The following DLGAP1 variants were observed in gnomAD, a reference collection of about 807,000 sequenced individuals.
DLGAP1 encodes the protein DLG associated protein 1.
DLGAP1 carries 11 observed loss-of-function variants against 90.8 expected under a neutral mutation model. That is an observed-to-expected ratio of 0.12 (90% CI 0.08 to 0.20). The LOEUF (loss-of-function observed/expected upper bound fraction) is 0.20. Among genes scored for constraint, DLGAP1 ranks in the 10% least tolerant of loss-of-function variants. DLGAP1 has a pLI of 1.00. For synonymous variants in DLGAP1, 558 were observed against 540.7 expected (o/e 1.03, Z -0.44); for missense variants, 1,050 against 1,333.8 (o/e 0.79, Z 3.31).
intron 2 of DLGAP1, among the ~76,000 whole-genome samples, chr18:4,090,412 C>T (rs1009317157): frequency 3.9e-5 from 6 of 152,048 alleles, no homozygotes; most frequent in African/African-American, 1.4e-4. Context: ...AAAAAAACCA[C>T]CCCATCAAAA....
At chr18:3,626,911 A>C (rs2058318676) in intron 7 of DLGAP1, among the ~76,000 whole-genome samples, 1 of 152,152 alleles carries the variant, frequency 6.6e-6, no homozygotes, top group Admixed American at 6.5e-5. Context: ...AAAAAAAAGA[A>C]AAGAAAATAT....
chr18:3,597,558 G>C (rs1326819644), intron 7 of DLGAP1: 2 of 282,968 alleles, frequency 7.1e-6, no homozygotes, highest in African/African-American at 4.7e-5. Context: ...AGACTTCAGC[G>C]TGGATTCATC....
At chr18:4,435,838 G>A (rs2083387537) in intron 1 of DLGAP1, among the ~76,000 whole-genome samples, 1 of 152,152 alleles carries the variant, frequency 6.6e-6, no homozygotes, top group South Asian at 2.1e-4. Context: ...TTAGCATCAT[G>A]TCACACATAT....
chr18:4,156,704 G>A (rs1340921952), intron 1 of DLGAP1, among the ~76,000 whole-genome samples: 1 of 152,112 alleles, frequency 6.6e-6, no homozygotes, highest in Non-Finnish European at 1.5e-5. Context: ...GAACAGATAT[G>A]AATCTATAGA....
chr18:3,676,969 A>G (rs58095005), intron 7 of DLGAP1, among the ~76,000 whole-genome samples: 4,852 of 151,842 alleles, frequency 0.032, 278 homozygotes, highest in African/African-American at 0.11. Flanking sequence ...TGTTGCCACC[A>G]CCCTTTAAAC....
rs2076250900 is a variant in DLGAP1, at chr18:4,127,635, ACT to A, written c.-159+23543_-159+23544del. On this transcript the variant is annotated intron_variant, in intron 2 of 12. Coordinates refer to ENST00000315677, the MANE Select transcript of DLGAP1 (RefSeq NM_004746.4). ...TAAAATATATTATCTGAAAAACATA[ACT>A]CAGCATAATTGTAAGAATCATACAT... Among the ~76,000 whole-genome samples the A allele has an allele frequency of 1.3e-5, 2 of 152,208 alleles. 1 individual carries two copies. The highest frequency in any genetic ancestry group is 4.1e-4 in the South Asian group (2 of 4,832).
intron 1 of DLGAP1, among the ~76,000 whole-genome samples, chr18:4,418,692 C>T (rs564512446): frequency 2.8e-4 from 42 of 152,076 alleles, no homozygotes; most frequent in African/African-American, 8.9e-4. Context: ...GGAAAAAATG[C>T]AGCAGAGTAT....
At chr18:4,358,418 G>A (rs939977973) in intron 1 of DLGAP1, among the ~76,000 whole-genome samples, 2 of 152,322 alleles carry the variant, frequency 1.3e-5, no homozygotes, top group Non-Finnish European at 2.9e-5. Flanking sequence ...AAGGCCTTTA[G>A]GGACTAATGT....
chr18:3,952,816 G>A (rs1410579507), intron 3 of DLGAP1, among the ~76,000 whole-genome samples: 2 of 152,178 alleles, frequency 1.3e-5, no homozygotes, highest in Non-Finnish European at 2.9e-5. Flanking sequence ...AACAATTATA[G>A]GCAGGAGAGA....
At chr18:4,404,064 C>T (rs2082612864) in intron 1 of DLGAP1, among the ~76,000 whole-genome samples, 1 of 152,084 alleles carries the variant, frequency 6.6e-6, no homozygotes, top group Non-Finnish European at 1.5e-5. Context: ...TGCAGAGATA[C>T]CACATGCCAG....
intron 3 of DLGAP1, among the ~76,000 whole-genome samples, chr18:3,973,701 A>G (rs534774527): frequency 6.6e-6 from 1 of 152,320 alleles, no homozygotes; most frequent in South Asian, 2.1e-4. Context: ...ATTCTTTCTG[A>G]AACCTGACAA....
chr18:3,805,936 A>G (rs1203929694), intron 5 of DLGAP1, among the ~76,000 whole-genome samples: 1 of 152,178 alleles, frequency 6.6e-6, no homozygotes, highest in East Asian at 1.9e-4. Context: ...TTTTGATCTC[A>G]TTTCCTCCTG....
intron 1 of DLGAP1, among the ~76,000 whole-genome samples, chr18:4,161,450 T>C (rs754877562): frequency 4.6e-5 from 7 of 152,170 alleles, no homozygotes; most frequent in Non-Finnish European, 1.0e-4. Context: ...TGCATAGTAT[T>C]CCATGGTATA....
At chr18:4,308,795 G>A (rs754929197) in intron 1 of DLGAP1, among the ~76,000 whole-genome samples, 5 of 152,174 alleles carry the variant, frequency 3.3e-5, no homozygotes, top group African/African-American at 7.2e-5. Flanking sequence ...AGCCTCAGGC[G>A]AAGAAGCTGC....
intron 2 of DLGAP1, among the ~76,000 whole-genome samples, chr18:4,107,126 A>T (rs898294807): frequency 6.6e-6 from 1 of 152,266 alleles, no homozygotes; most frequent in African/African-American, 2.4e-5. Context: ...TAGCTAAAAC[A>T]CAGCGCCGCT....
Position 4,378,651 on chromosome 18 carries a change from C to T in DLGAP1, c.-267+76355G>A, listed in dbSNP as rs2082061549. 1.3e-5 allele frequency among the ~76,000 whole-genome samples: 2 copies of T among 152,136 alleles called. No homozygotes were observed. Among genetic ancestry groups the T allele is most frequent in the Non-Finnish European group, 2.9e-5 (2 of 67,998 alleles). On this transcript the variant is annotated intron_variant, in intron 1 of 12. Transcript: ENST00000315677. This position sits in a 1 kb window ranked among gnomAD's most constrained non-coding sequence, Gnocchi z 4.5. ...ACACAATTTGAAAGCACCTAAGGTGCTCCGTACCTAATATGTACTCCATCA... is the reference window on the plus strand; with the variant it reads ...ACACAATTTGAAAGCACCTAAGGTGTTCCGTACCTAATATGTACTCCATCA...
At chr18:3,791,118 A>T (rs774236308) in intron 5 of DLGAP1, among the ~76,000 whole-genome samples, 3 of 152,168 alleles carry the variant, frequency 2.0e-5, no homozygotes, top group Non-Finnish European at 4.4e-5. Context: ...GTCAACTATG[A>T]TGATGTTTCT....
intron 7 of DLGAP1, among the ~76,000 whole-genome samples, chr18:3,586,836 A>C (rs371583222): frequency 1.1e-4 from 16 of 152,298 alleles, no homozygotes; most frequent in Admixed American, 2.6e-4. Flanking sequence ...GGTTGGTTTC[A>C]GTTCTACTCT....
chr18:3,797,395 G>A (rs1472089342), intron 5 of DLGAP1, among the ~76,000 whole-genome samples: 1 of 151,786 alleles, frequency 6.6e-6, no homozygotes, highest in Non-Finnish European at 1.5e-5. Flanking sequence ...ACAGTGAGGA[G>A]GTGGCCCTAT....
Sources: gnomAD v4.1 joint callset for allele counts (sites outside exome capture counted in the v4.1 genomes callset) on GRCh38, gnomAD v4.1.1 for gene constraint, Gnocchi (gnomAD v3.1) non-coding constraint, MANE v1.5 for transcripts, NCBI Gene and HGNC (gene_info 2026-07-23, HGNC 2026-07-21) for gene names.